Variants in PSME4 observed in about 807,000 individuals in gnomAD.
PSME4 encodes the protein proteasome activator subunit 4.
PSME4 carries 89 observed loss-of-function variants against 253.9 expected under a neutral mutation model. That is an observed-to-expected ratio of 0.35 (90% CI 0.30 to 0.42). The LOEUF (loss-of-function observed/expected upper bound fraction) is 0.42, where lower values mean the gene tolerates loss of function less well. Ranked by LOEUF, PSME4 falls within the 10% of genes least tolerant of loss-of-function variation. The probability of loss-of-function intolerance (pLI) is 1.00; values close to 1 mark genes in which losing one functional copy is unlikely to be tolerated. For missense variants in PSME4, 2,014 were observed against 2,195.2 expected, an observed-to-expected ratio of 0.92 and a Z score of 1.65; for synonymous variants, 851 against 759.2, an observed-to-expected ratio of 1.12 and a Z score of -1.99.
At chr2:53,898,430 C>A in intron 29 of PSME4, 76 bp from the exon 30 acceptor site, 1 of 1,214,618 alleles carries the variant, frequency 8.2e-7, no homozygotes, top group Non-Finnish European at 1.1e-6. Flanking sequence ...AATTCAAATT[C>A]TAGCCAATTT....
chr2:53,893,363 A>G (rs1019431142), intron 35 of PSME4, among the ~76,000 whole-genome samples: 2 of 152,218 alleles, frequency 1.3e-5, no homozygotes, highest in African/African-American at 4.8e-5. Flanking sequence ...AGTCCATGAC[A>G]TAAAATGGTA....
At chr2:53,925,850 C>T (rs1668534148) in intron 13 of PSME4, 109 bp downstream of exon 13, 3 of 1,269,676 alleles carry the variant, frequency 2.4e-6, no homozygotes, top group Non-Finnish European at 3.4e-6. Flanking sequence ...TCAGGAGCAC[C>T]AGTAGTAGCT....
Position 53,885,727 on chromosome 2 carries a change from A to G in PSME4, c.4778T>C (p.Val1593Ala). The G allele has an allele frequency of 6.2e-7, 1 of 1,613,306 alleles. No individual in the cohort carries two copies. Among genetic ancestry groups the G allele is most frequent in the Non-Finnish European group, 8.5e-7 (1 of 1,179,414 alleles). Residue 1593 changes from valine to alanine, a missense_variant, in exon 41 of 47, where the codon GTT (valine) becomes GCT (alanine). By Grantham distance (64) the Val-to-Ala change is moderately conservative. This residue lies in a region of PSME4 where 403 missense variants were observed against 556.1 expected (regional missense o/e 0.72). Transcript: ENST00000404125. ...ASAGRSFSTA[V>A]TEQLQLLPLF... ...AGGTAGAAGCTGAAGTTGTTCTGTAACTGCTGTAGAAAAGGATCTTCCTGC... is the reference window on the plus strand; with the variant it reads ...AGGTAGAAGCTGAAGTTGTTCTGTAGCTGCTGTAGAAAAGGATCTTCCTGC...
At chr2:53,957,148 G>T (rs1409633790) in intron 1 of PSME4, among the ~76,000 whole-genome samples, 1 of 152,120 alleles carries the variant, frequency 6.6e-6, no homozygotes, top group African/African-American at 2.4e-5. Flanking sequence ...CATTTCATGA[G>T]GAAAAGTTCT....
At position 53,879,845 on chromosome 2, in the gene PSME4, T is replaced by C. The variant is rs538671643; in HGVS notation, c.4816-4090A>G. Among the ~76,000 whole-genome samples, 117 of 150,686 alleles carry C rather than the reference T, an allele frequency of 7.8e-4. 1 individual carries two copies. The highest frequency in any genetic ancestry group is 2.6e-3 in the African/African-American group (106 of 41,098). On this transcript the variant is annotated intron_variant, in intron 41 of 46. Transcript: ENST00000404125. ...AGGAAAAGGAAATAACATTGAACAT[T>C]AATTATTGAACATCAACTGGTGCGA... is the stretch of plus-strand genomic sequence containing the variant.
chr2:53,924,957 C>T (rs1367710952), intron 14 of PSME4, among the ~76,000 whole-genome samples: 1 of 152,202 alleles, frequency 6.6e-6, no homozygotes, highest in African/African-American at 2.4e-5. Context: ...TTACAGACAA[C>T]TTATTTAATA....
intron 1 of PSME4, among the ~76,000 whole-genome samples, chr2:53,960,264 T>G (rs1378742356): frequency 6.6e-6 from 1 of 152,080 alleles, no homozygotes; most frequent in African/African-American, 2.4e-5. Flanking sequence ...CCAGGCATGG[T>G]GGCGGGCGCC....
chr2:53,959,731 C>A (rs1210359277), intron 1 of PSME4, among the ~76,000 whole-genome samples: 1 of 152,188 alleles, frequency 6.6e-6, no homozygotes, highest in Non-Finnish European at 1.5e-5. Context: ...GCCAGAAACA[C>A]TGAGTGAACA....
intron 36 of PSME4, 27 bp from the exon 37 acceptor site, chr2:53,890,235 G>A: frequency 2.0e-6 from 3 of 1,478,492 alleles, no homozygotes; most frequent in Middle Eastern, 1.7e-4. Context: ...ATATGGGTAA[G>A]AGTTAATGAC....
chr2:53,962,983 C>T (rs945383211), intron 1 of PSME4, among the ~76,000 whole-genome samples: 1 of 149,794 alleles, frequency 6.7e-6, no homozygotes, highest in African/African-American at 2.5e-5. Flanking sequence ...GCACTCCAGC[C>T]TGGGTAACAG....
chr2:53,966,659 T>C lies in PSME4; in HGVS notation c.242+3884A>G, dbSNP rs141691397. On this transcript the variant is annotated intron_variant, in intron 1 of 46. Coordinates refer to ENST00000404125, the MANE Select transcript of PSME4 (RefSeq NM_014614.3). ...TCTAACGAGCACCCGCAGCCCCTCATGAAAGGTCCAGAAAGGCAAGAGGGC... is the reference window on the plus strand; with the variant it reads ...TCTAACGAGCACCCGCAGCCCCTCACGAAAGGTCCAGAAAGGCAAGAGGGC... 5.3e-5 allele frequency among the ~76,000 whole-genome samples: 8 copies of C among 152,178 alleles called. No individual in the cohort carries two copies. In the South Asian group the frequency reaches 1.7e-3, roughly 32 times the overall value.
intron 1 of PSME4, among the ~76,000 whole-genome samples, chr2:53,969,304 G>A (rs951519349): frequency 6.6e-6 from 1 of 152,048 alleles, no homozygotes; most frequent in Non-Finnish European, 1.5e-5. Flanking sequence ...CTCTGAAGAG[G>A]GCAAATTACA....
At chr2:53,871,720 G>A (rs879710242) in intron 43 of PSME4, among the ~76,000 whole-genome samples, 14 of 152,126 alleles carry the variant, frequency 9.2e-5, no homozygotes, top group Admixed American at 4.6e-4. Context: ...TTTTAAAGCC[G>A]GAGGTGGTGA....
chr2:53,904,726 C>T (rs1680568330), intron 26 of PSME4, among the ~76,000 whole-genome samples: 1 of 152,022 alleles, frequency 6.6e-6, no homozygotes, highest in African/African-American at 2.4e-5. Flanking sequence ...CAGTGGCTCA[C>T]GTCTGTAATC....
chr2:53,873,238 C>CAAAAAAAAAAAAAAAAAAAAAAAAAA, intron 43 of PSME4, among the ~76,000 whole-genome samples: 1 of 123,150 alleles, frequency 8.1e-6, no homozygotes, highest in Non-Finnish European at 1.6e-5. Flanking sequence ...GACTCCGTCT[C>CAAAAAAAAAAAAAAAAAAAAAAAAAA]AAAAAAAAAG....
intron 36 of PSME4, 124 bp downstream of exon 36, chr2:53,892,684 G>T: frequency 1.2e-6 from 1 of 843,214 alleles, no homozygotes. Context: ...CTACATATCG[G>T]CATATTTCAT....
At chr2:53,909,418 A>T (rs1374996168) in intron 21 of PSME4, among the ~76,000 whole-genome samples, 1 of 152,202 alleles carries the variant, frequency 6.6e-6, no homozygotes, top group Admixed American at 6.5e-5. Context: ...ATATAGGGTT[A>T]CAATATTCGT....
chr2:53,940,487 G>T (rs1206411351), intron 3 of PSME4, among the ~76,000 whole-genome samples: 1 of 151,964 alleles, frequency 6.6e-6, no homozygotes, highest in East Asian at 1.9e-4. Context: ...TTATCAAAAA[G>T]AACAATAGCA....
In PSME4 at chr2:53,900,399, CA is replaced by C. The variant is rs1553409464; in HGVS notation, c.3286-383del. ...CACAGCAAGACCCCTGTCTCTCTCTCAAAAAAAAAAAAACAACTTAAATTAG... is the reference window on the plus strand; with the variant it reads ...CACAGCAAGACCCCTGTCTCTCTCTCAAAAAAAAAAAACAACTTAAATTAG... On this transcript the variant is annotated intron_variant, in intron 28 of 46. Transcript: ENST00000404125. 4.6e-3 allele frequency among the ~76,000 whole-genome samples: 587 copies of C among 128,316 alleles called. 2 individuals are homozygous for C. Among genetic ancestry groups the C allele is most frequent in the African/African-American group, 0.012 (417 of 34,840 alleles). 84.2% of individuals were successfully genotyped at this position (128,316 alleles called of 152,430 possible).
Sources: gnomAD v4.1 joint callset for allele counts (sites outside exome capture counted in the v4.1 genomes callset) on GRCh38, gnomAD v4.1.1 for gene constraint, gnomAD v4.1.1 regional missense constraint, MANE v1.5 for transcripts, NCBI Gene and HGNC (gene_info 2026-07-23, HGNC 2026-07-21) for gene names.